The following ZMYND11 variants were observed in gnomAD, a reference collection of about 807,000 sequenced individuals.
ZMYND11 encodes zinc finger MYND domain-containing protein 11.
Under a neutral mutation model 84.9 loss-of-function variants are expected in ZMYND11, and 9 were observed. That is an observed-to-expected ratio of 0.11 (90% CI 0.06 to 0.18). ZMYND11 has a LOEUF of 0.18. Ranked by LOEUF, ZMYND11 falls within the 10% of genes least tolerant of loss-of-function variation. The probability of loss-of-function intolerance (pLI) is 1.00; values close to 1 mark genes in which losing one functional copy is unlikely to be tolerated. For missense variants in ZMYND11, 409 were observed against 761.0 expected (o/e 0.54, Z 5.44); for synonymous variants, 250 against 244.1 (o/e 1.02, Z -0.23).
chr10:222,708 A>G (rs1314577034), intron 4 of ZMYND11, among the ~76,000 whole-genome samples: 1 of 149,042 alleles, frequency 6.7e-6, no homozygotes, highest in Admixed American at 6.7e-5. Flanking sequence ...AATGAGATCA[A>G]AAAAAAAAAG....
chr10:243,195 C>G (rs1327001776), intron 10 of ZMYND11, among the ~76,000 whole-genome samples: 4 of 152,086 alleles, frequency 2.6e-5, no homozygotes, highest in African/African-American at 7.2e-5. Context: ...ATAAAGGCCT[C>G]ATAAGAGTTT....
chr10:147,312 T>C (rs1254513109), intron 1 of ZMYND11, among the ~76,000 whole-genome samples: 10 of 152,190 alleles, frequency 6.6e-5, no homozygotes, highest in Admixed American at 6.5e-4. Flanking sequence ...AAAGTAGGTA[T>C]CCTTGTCTTG....
intron 1 of ZMYND11, among the ~76,000 whole-genome samples, chr10:153,082 C>T (rs1840805380): frequency 6.6e-6 from 1 of 152,152 alleles, no homozygotes; most frequent in Admixed American, 6.5e-5. Flanking sequence ...TCTCTCTGCC[C>T]TTGAATACCT....
chr10:181,281 A>G (rs1588704151), intron 2 of ZMYND11, among the ~76,000 whole-genome samples: 1 of 152,224 alleles, frequency 6.6e-6, no homozygotes, highest in Admixed American at 6.5e-5. Flanking sequence ...ATTGAGTTCC[A>G]TGTATTTTTG....
At chr10:175,206 G>A (rs1376213788) in intron 1 of ZMYND11, among the ~76,000 whole-genome samples, 1 of 152,140 alleles carries the variant, frequency 6.6e-6, no homozygotes, top group Non-Finnish European at 1.5e-5. Context: ...GCATTTGTGG[G>A]GCCAGGGAGT....
chr10:235,808 TCA>T (rs1471875865), intron 4 of ZMYND11, among the ~76,000 whole-genome samples: 30 of 152,352 alleles, frequency 2.0e-4, no homozygotes, highest in African/African-American at 6.5e-4. Flanking sequence ...TAAATGAAAT[TCA>T]GTTTAGTTTC....
intron 1 of ZMYND11, chr10:148,870 C>G (rs1301291530): frequency 6.6e-6 from 1 of 152,214 alleles, no homozygotes; most frequent in Non-Finnish European, 1.5e-5. Flanking sequence ...TGATAACATA[C>G]AACGTCTGTG....
chr10:235,374 CAG>C lies in ZMYND11; in HGVS notation c.439-1460_439-1459del, dbSNP rs370684897. Reference sequence around the variant, plus strand: ...TTAAGTTCTTCTGTTAGTTTTCAAACAGAGAATTCTCAAGTTATATCAATTTG... The same window carrying C: ...TTAAGTTCTTCTGTTAGTTTTCAAACAGAATTCTCAAGTTATATCAATTTG... On this transcript the variant is annotated intron_variant, in intron 4 of 14. Coordinates refer to ENST00000381604, the MANE Select transcript of ZMYND11 (RefSeq NM_001370100.5). Among the ~76,000 whole-genome samples the C allele has an allele frequency of 5.0e-4, 76 of 152,228 alleles. 1 individual carries two copies. The East Asian group carries it at 0.013, about 27-fold the overall frequency.
intron 1 of ZMYND11, chr10:148,319 AAGAAG>A (rs1554755972): frequency 4.2e-5 from 6 of 141,882 alleles, no homozygotes; most frequent in African/African-American, 1.6e-4. Flanking sequence ...TTGCTCTGGG[AAGAAG>A]TCCTAACTTC....
At chr10:177,418 G>A (rs140816855) in intron 1 of ZMYND11, among the ~76,000 whole-genome samples, 2 of 152,188 alleles carry the variant, frequency 1.3e-5, no homozygotes, top group East Asian at 3.9e-4. Context: ...TCTGTGACTT[G>A]ATTCAGGTAG....
At chr10:217,754 G>A (rs1283266157) in intron 3 of ZMYND11, among the ~76,000 whole-genome samples, 5 of 152,238 alleles carry the variant, frequency 3.3e-5, no homozygotes, top group East Asian at 1.9e-4. Context: ...TAGAAAAACC[G>A]TGTAGACTGC....
At chr10:231,515 C>T (rs892750678) in intron 4 of ZMYND11, among the ~76,000 whole-genome samples, 3 of 152,158 alleles carry the variant, frequency 2.0e-5, no homozygotes, top group African/African-American at 7.2e-5. Context: ...CTATAAAGAA[C>T]TGAAAATTCT....
intron 14 of ZMYND11, among the ~76,000 whole-genome samples, chr10:250,924 C>CAG (rs1263242295): frequency 2.6e-5 from 4 of 151,640 alleles, no homozygotes; most frequent in African/African-American, 9.7e-5. Context: ...TTGAGAGGCT[C>CAG]AGGCAGAAGA....
chr10:232,407 C>T (rs957470281), intron 4 of ZMYND11, among the ~76,000 whole-genome samples: 1 of 152,226 alleles, frequency 6.6e-6, no homozygotes, highest in African/African-American at 2.4e-5. Flanking sequence ...AGAAAACCCT[C>T]AAGTTTTTCA....
intron 1 of ZMYND11, among the ~76,000 whole-genome samples, chr10:155,640 T>C (rs1365418289): frequency 1.3e-5 from 2 of 152,266 alleles, no homozygotes; most frequent in African/African-American, 2.4e-5. Context: ...TTGGCTTCGC[T>C]AGTAATTTTT....
At chr10:195,264 T>G (rs1264089938) in intron 2 of ZMYND11, among the ~76,000 whole-genome samples, 3 of 152,208 alleles carry the variant, frequency 2.0e-5, no homozygotes, top group Non-Finnish European at 2.9e-5. Context: ...AAGTTCTCAG[T>G]GGCTAACGTC....
intron 1 of ZMYND11, among the ~76,000 whole-genome samples, chr10:161,480 C>T (rs1164896970): frequency 6.6e-5 from 10 of 152,186 alleles, no homozygotes; most frequent in Non-Finnish European, 5.9e-5. Context: ...AAGAGTCAGC[C>T]TGTCCTTTGA....
chr10:191,978 T>C lies in ZMYND11; in HGVS notation c.116+11850T>C, dbSNP rs559040437. Among the ~76,000 whole-genome samples the C allele has an allele frequency of 2.0e-5, 3 of 152,328 alleles. No homozygotes were observed. In the South Asian group the frequency reaches 6.2e-4, roughly 32 times the overall value. ...AATATTTGTTATATGACTTACGTTA[T>C]CTTATTTACCCTCAAAACAACAGCA... On this transcript the variant is annotated intron_variant, in intron 2 of 14. Transcript: ENST00000381604.
At chr10:198,781 G>T (rs1942397242) in intron 2 of ZMYND11, among the ~76,000 whole-genome samples, 1 of 152,176 alleles carries the variant, frequency 6.6e-6, no homozygotes. Flanking sequence ...CCATGTGAGT[G>T]TTTTTATTAA....
Sources: allele counts gnomAD v4.1 joint callset (sites outside exome capture counted in the v4.1 genomes callset), GRCh38; gene constraint gnomAD v4.1.1; transcripts MANE v1.5; gene names NCBI Gene and HGNC (gene_info 2026-07-23, HGNC 2026-07-21).